The following EPHB1 variants were observed in gnomAD, a reference collection of about 807,000 sequenced individuals.
The protein encoded by EPHB1 is EPH receptor B1.
A neutral mutation model predicts 94.4 loss-of-function variants in EPHB1; 30 were observed. That is an observed-to-expected ratio of 0.32 (90% CI 0.24 to 0.43). EPHB1 has a LOEUF of 0.43. Ranked by LOEUF, EPHB1 falls within the 20% of genes least tolerant of loss-of-function variation. EPHB1 has a pLI of 1.00. For missense variants in EPHB1, 1,055 were observed against 1,308.3 expected (o/e 0.81, Z 2.99); for synonymous variants, 522 against 489.1 (o/e 1.07, Z -0.89).
chr3:135,226,485 A>G (rs11920708), intron 12 of EPHB1, among the ~76,000 whole-genome samples: 99,752 of 152,044 alleles, frequency 0.66, 33,915 homozygotes, highest in Middle Eastern at 0.77. Context: ...CAGGAGCCCG[A>G]GTACTCAGGG....
At chr3:135,229,014 G>A (rs1265016085) in intron 12 of EPHB1, among the ~76,000 whole-genome samples, 1 of 152,126 alleles carries the variant, frequency 6.6e-6, no homozygotes, top group Admixed American at 6.5e-5. Flanking sequence ...AGTTCCCAGT[G>A]CCTGTTAAAA....
chr3:134,797,515 G>A (rs1224475153), intron 1 of EPHB1, among the ~76,000 whole-genome samples: 1 of 152,204 alleles, frequency 6.6e-6, no homozygotes, highest in Non-Finnish European at 1.5e-5. Flanking sequence ...CAGAGGAGAT[G>A]GGTGCCCACT....
chr3:135,029,007 G>T (rs1936306133), intron 3 of EPHB1, among the ~76,000 whole-genome samples: 1 of 136,564 alleles, frequency 7.3e-6, no homozygotes, highest in Non-Finnish European at 1.6e-5. Context: ...TTTGATCTTT[G>T]TTGGTTTAAA....
chr3:135,078,951 G>A (rs1309747689), intron 3 of EPHB1, among the ~76,000 whole-genome samples: 2 of 152,112 alleles, frequency 1.3e-5, no homozygotes, highest in Non-Finnish European at 2.9e-5. Flanking sequence ...ACCTCATTGG[G>A]AGGTCATTGG....
At chr3:135,061,368 A>ACCTC (rs112594621) in intron 3 of EPHB1, among the ~76,000 whole-genome samples, 1 of 111,372 alleles carries the variant, frequency 9.0e-6, no homozygotes, top group Non-Finnish European at 1.9e-5. Flanking sequence ...AGGAATGACC[A>ACCTC]CCCCCCCCGA....
chr3:135,061,145 A>C (rs2400399), intron 3 of EPHB1, among the ~76,000 whole-genome samples: 24 of 152,080 alleles, frequency 1.6e-4, no homozygotes, highest in African/African-American at 5.3e-4. Flanking sequence ...AAAAATTTCC[A>C]TAGGTTATTG....
chr3:135,156,676 A>G (rs775706526), intron 6 of EPHB1, among the ~76,000 whole-genome samples: 6 of 152,202 alleles, frequency 3.9e-5, no homozygotes, highest in African/African-American at 7.2e-5. Flanking sequence ...GAGAATATTG[A>G]GTTTTATAAG....
intron 3 of EPHB1, among the ~76,000 whole-genome samples, chr3:135,102,896 T>G (rs986269149): frequency 6.6e-6 from 1 of 151,992 alleles, no homozygotes; most frequent in Non-Finnish European, 1.5e-5. Context: ...AAACAACATA[T>G]GTTCTCACTC....
chr3:134,852,816 G>A (rs992779942), intron 1 of EPHB1, among the ~76,000 whole-genome samples: 1 of 152,200 alleles, frequency 6.6e-6, no homozygotes, highest in Non-Finnish European at 1.5e-5. Flanking sequence ...TAAGGGACAG[G>A]GGACAAGAAA....
intron 3 of EPHB1, among the ~76,000 whole-genome samples, chr3:134,997,663 C>T (rs1360096885): frequency 6.6e-6 from 1 of 152,180 alleles, no homozygotes; most frequent in Admixed American, 6.5e-5. Context: ...CCTTACTATT[C>T]TTCCGTTTTG....
chr3:134,925,630 T>C (rs1256425114), intron 1 of EPHB1, among the ~76,000 whole-genome samples, 186 bp from the exon 2 acceptor site: 2 of 152,082 alleles, frequency 1.3e-5, no homozygotes, highest in Non-Finnish European at 2.9e-5. Flanking sequence ...CTGCATAATC[T>C]TGGCGGGCTT....
At chr3:135,146,240 C>A (rs1384719480) in intron 5 of EPHB1, among the ~76,000 whole-genome samples, 4 of 152,242 alleles carry the variant, frequency 2.6e-5, no homozygotes, top group Middle Eastern at 6.8e-3. Flanking sequence ...AAAAGAGATG[C>A]CCACAGGGAA....
intron 2 of EPHB1, among the ~76,000 whole-genome samples, chr3:134,946,851 C>A (rs141622971): frequency 6.6e-5 from 10 of 152,154 alleles, no homozygotes; most frequent in Admixed American, 4.6e-4. Context: ...GATTGTGGTG[C>A]CATGCTTCTT....
At chr3:135,122,494 A>G (rs1940011402) in intron 4 of EPHB1, among the ~76,000 whole-genome samples, 1 of 152,170 alleles carries the variant, frequency 6.6e-6, no homozygotes, top group Non-Finnish European at 1.5e-5. Context: ...ACCTTGAGCC[A>G]CAGCTAGAAG....
At chr3:135,133,228 G>A (rs924177041) in intron 5 of EPHB1, among the ~76,000 whole-genome samples, 179 bp downstream of exon 5, 4 of 152,218 alleles carry the variant, frequency 2.6e-5, no homozygotes, top group Non-Finnish European at 4.4e-5. Context: ...GTAGTGTTGC[G>A]CTTCTGAGAA....
intron 1 of EPHB1, among the ~76,000 whole-genome samples, chr3:134,923,062 T>C (rs1161951405): frequency 1.3e-5 from 2 of 151,918 alleles, no homozygotes; most frequent in Non-Finnish European, 2.9e-5. Context: ...GAAGTGGAGA[T>C]GGGGGGAGGG....
At chr3:134,830,221 C>T (rs1024510878) in intron 1 of EPHB1, among the ~76,000 whole-genome samples, 2 of 152,118 alleles carry the variant, frequency 1.3e-5, no homozygotes, top group African/African-American at 4.8e-5. Flanking sequence ...CAGACATATG[C>T]CCATTTACTC....
At chr3:134,856,784 T>C (rs2037130290) in intron 1 of EPHB1, among the ~76,000 whole-genome samples, 1 of 152,246 alleles carries the variant, frequency 6.6e-6, no homozygotes, top group Non-Finnish European at 1.5e-5. Flanking sequence ...ATAAGTAAAC[T>C]AAATCGTTAA....
At chr3:135,233,243 T>C (rs1233273614) in intron 12 of EPHB1, among the ~76,000 whole-genome samples, 1 of 152,198 alleles carries the variant, frequency 6.6e-6, no homozygotes, top group Non-Finnish European at 1.5e-5. Flanking sequence ...AGTTACTTCC[T>C]AGTTACAATG....
Sources: allele counts gnomAD v4.1 joint callset (sites outside exome capture counted in the v4.1 genomes callset), GRCh38; gene constraint gnomAD v4.1.1; transcripts MANE v1.5; gene names NCBI Gene and HGNC (gene_info 2026-07-23, HGNC 2026-07-21).